AATK: variants seen among roughly 807,000 people sequenced by gnomAD.
AATK encodes the protein serine/threonine-protein kinase LMTK1.
AATK carries 91 observed loss-of-function variants against 114.3 expected under a neutral mutation model. The ratio of observed to expected loss-of-function variants is 0.80; its 90% confidence interval spans 0.67 to 0.95. The LOEUF is 0.95. Among genes scored for constraint, AATK ranks in the 40% least tolerant of loss-of-function variants. The pLI is 0.00. For synonymous variants in AATK, 1,075 were observed against 916.5 expected, an observed-to-expected ratio of 1.17 and a Z score of -3.12; for missense variants, 2,176 against 1,965.2, an observed-to-expected ratio of 1.11 and a Z score of -2.03.
In AATK at chr17:81,126,602, G is replaced by C; in HGVS notation, c.622-42C>G. On this transcript the variant is annotated intron_variant, in intron 6 of 13. Transcript: ENST00000326724. This position sits in a 1 kb window ranked among gnomAD's most constrained non-coding sequence, Gnocchi z 5.1. ...TGGCGCAGTCACCAGCAGGCTGGGGGCTGGCCACCCTGGGAGGTCCCCACC... is the reference window on the plus strand; with the variant it reads ...TGGCGCAGTCACCAGCAGGCTGGGGCCTGGCCACCCTGGGAGGTCCCCACC... 1 of 1,520,162 alleles carries C rather than the reference G, an allele frequency of 6.6e-7. No homozygotes were observed. The highest frequency in any genetic ancestry group is 1.2e-5 in the South Asian group (1 of 82,424). 94.2% of individuals were successfully genotyped at this position (1,520,162 alleles called of 1,614,324 possible).
At chr17:81,149,701 C>T (rs1251736017) in intron 1 of AATK, among the ~76,000 whole-genome samples, 7 of 152,014 alleles carry the variant, frequency 4.6e-5, no homozygotes, top group Non-Finnish European at 8.8e-5. Context: ...GGAGCCTGTG[C>T]CCCCATGAGC....
intron 1 of AATK, among the ~76,000 whole-genome samples, chr17:81,158,771 C>A (rs1343116008): frequency 6.6e-6 from 1 of 152,202 alleles, no homozygotes; most frequent in Non-Finnish European, 1.5e-5. Flanking sequence ...GGGCAGCCCC[C>A]ACATGCTCAC....
intron 6 of AATK, 137 bp downstream of exon 6, chr17:81,127,446 G>T: frequency 1.2e-6 from 1 of 831,730 alleles, no homozygotes; most frequent in Non-Finnish European, 2.0e-6. Flanking sequence ...CTGGAAGGTG[G>T]TGGGGGCAGG....
chr17:81,131,951 C>CA, intron 2 of AATK: 3 of 1,339,468 alleles, frequency 2.2e-6, no homozygotes, highest in Non-Finnish European at 3.0e-6. Flanking sequence ...CTGGTGGCCA[C>CA]ACCACCTCCG....
At chr17:81,130,343 C>A (rs1006077550) in intron 3 of AATK, among the ~76,000 whole-genome samples, 2 of 152,162 alleles carry the variant, frequency 1.3e-5, no homozygotes, top group Non-Finnish European at 2.9e-5. Flanking sequence ...ACCTAGGCTC[C>A]AAGACAGAAC....
intron 1 of AATK, among the ~76,000 whole-genome samples, chr17:81,150,185 G>A (rs1276619054): frequency 6.6e-6 from 1 of 152,140 alleles, no homozygotes; most frequent in East Asian, 1.9e-4. Context: ...TAGAAGCAGT[G>A]GTGGTTTCCA....
intron 1 of AATK, among the ~76,000 whole-genome samples, chr17:81,152,625 G>C (rs771699728): frequency 2.0e-5 from 3 of 152,140 alleles, no homozygotes; most frequent in Non-Finnish European, 2.9e-5. Context: ...TGTCAGAGAA[G>C]AAGAAGAATT....
Position 81,121,758 on chromosome 17 carries a change from C to A in AATK, c.2178G>T (p.Glu726Asp), listed in dbSNP as rs1028859405. ...AGGCTGCCTGGAGCCCAAGCAGAGG[C>A]TCTCCAGGGTACCCCGGCTCGGGGG... ...RASPEPGYPG[E>D]PLLGLQAASA... Residue 726 changes from glutamate to aspartate, a missense_variant, in exon 11 of 14, where the codon GAG becomes GAT. Physicochemically the swap from Glu to Asp is conservative, Grantham distance 45. Coordinates refer to ENST00000326724, the MANE Select transcript of AATK (RefSeq NM_001080395.3). The A allele has an allele frequency of 6.6e-6, 10 of 1,518,482 alleles. No homozygotes were observed. The highest frequency in any genetic ancestry group is 1.4e-5 in the African/African-American group (1 of 72,424). The allele number at this position is 1,518,482 out of a possible 1,614,324, so 94.1% of individuals were successfully genotyped here. A position where few individuals can be genotyped will look rare whatever the true frequency, so the allele number is the denominator to read the frequency against.
intron 4 of AATK, 122 bp downstream of exon 4, chr17:81,128,348 G>A: frequency 8.1e-7 from 1 of 1,239,850 alleles, no homozygotes; most frequent in Admixed American, 2.0e-5. Flanking sequence ...GGGTCCAGCA[G>A]GGCCCAGAGA....
At chr17:81,130,330 A>G (rs189551256) in intron 3 of AATK, among the ~76,000 whole-genome samples, 8 of 152,126 alleles carry the variant, frequency 5.3e-5, no homozygotes, top group African/African-American at 1.9e-4. Context: ...ACCCGCACCC[A>G]CCACCTAGGC....
rs200256250 is a variant in AATK at position 81,131,186 on chromosome 17, C to G, written c.209G>C (p.Gly70Ala). ...IGFKEFENAE[G>A]DEYAADLAQG... ...CGCCAGGTCGGCTGCGTACTCGTCC[C>G]CCTCCGCATTCTCAAACTCCTGCGG... Residue 70 changes from glycine to alanine, a missense_variant, in exon 3 of 14, where the codon GGG (glycine) becomes GCG (alanine). Gly to Ala is a moderately conservative substitution (Grantham distance 60, BLOSUM62 0). Coordinates refer to ENST00000326724, the MANE Select transcript of AATK (RefSeq NM_001080395.3). 1,784 of 1,581,200 alleles carry G rather than the reference C, an allele frequency of 1.1e-3. 5 individuals carry two copies. The highest frequency in any genetic ancestry group is 1.4e-3 in the Non-Finnish European group (1,596 of 1,166,094).
At chr17:81,125,175 T>G (rs777862431) in intron 7 of AATK, 161 bp from the exon 8 acceptor site, 5 of 688,122 alleles carry the variant, frequency 7.3e-6, no homozygotes, top group Non-Finnish European at 1.3e-5. Flanking sequence ...GAAGGGGCGT[T>G]GGAGACACTG....
At position 81,122,290 on chromosome 17, in the gene AATK, CCGGCGCAGT is replaced by C; in HGVS notation, c.1637_1645del (p.Asp546_Ala548del). 6.7e-7 allele frequency: 1 copy of C among 1,502,976 alleles called. No individual in the cohort carries two copies. The highest frequency in any genetic ancestry group is 8.8e-7 in the Non-Finnish European group (1 of 1,132,948). 93.1% of individuals were successfully genotyped at this position (1,502,976 alleles called of 1,614,324 possible). A position where few individuals can be genotyped will look rare whatever the true frequency, so the allele number is the denominator to read the frequency against. On this transcript the variant is annotated inframe_deletion, in exon 11 of 14. Transcript: ENST00000326724. ...GGTGGCAGGTGGACTGGGGGCGCAG[CCGGCGCAGT>C]CAGGGTCGTGGCCGGCGGCGGGTGC...
Position 81,131,101 on chromosome 17 carries a change from C to T in AATK, c.294G>A (p.Thr98=), listed in dbSNP as rs199790442. ...GCTTGGCCATGGGCAAGGAGACCTC[C>T]GTGAGTGGCAGGACGTACACGTCGG... ...NGPDVYVLPL[T]EVSLPMAKQP... Residue 98 remains threonine (T), a synonymous_variant, in exon 3 of 14, where the codon ACG becomes ACA. Coordinates refer to ENST00000326724, the MANE Select transcript of AATK (RefSeq NM_001080395.3). 7.6e-5 allele frequency: 119 copies of T among 1,558,684 alleles called. No homozygotes were observed. In the African/African-American group the frequency reaches 1.3e-3, roughly 16 times the overall value.
intron 1 of AATK, among the ~76,000 whole-genome samples, chr17:81,152,874 G>A (rs546319884): frequency 7.5e-5 from 11 of 145,716 alleles, no homozygotes; most frequent in Non-Finnish European, 1.3e-4. Context: ...ACCAAGTCTC[G>A]CTCTGTCACC....
intron 1 of AATK, among the ~76,000 whole-genome samples, chr17:81,136,920 C>G (rs1286991658): frequency 1.3e-5 from 2 of 152,164 alleles, no homozygotes; most frequent in African/African-American, 4.8e-5. Flanking sequence ...ATCTGAGGGT[C>G]AGAGCGGCTG....
chr17:81,154,250 C>A (rs1223248266), intron 1 of AATK, among the ~76,000 whole-genome samples: 4 of 152,100 alleles, frequency 2.6e-5, no homozygotes, highest in African/African-American at 9.7e-5. Flanking sequence ...TGTGCAACTG[C>A]CCGTCACCTG....
chr17:81,148,460 C>T (rs188306717), intron 1 of AATK, among the ~76,000 whole-genome samples: 1 of 152,378 alleles, frequency 6.6e-6, no homozygotes, highest in Non-Finnish European at 1.5e-5. Flanking sequence ...AGGGACCCTT[C>T]CTGCTCAAGA....
chr17:81,129,884 G>C (rs544342559), intron 3 of AATK, among the ~76,000 whole-genome samples: 2 of 152,186 alleles, frequency 1.3e-5, no homozygotes, highest in Admixed American at 6.5e-5. Flanking sequence ...AGATGTACTC[G>C]AGCTCAAGTG....
Sources: gnomAD v4.1 joint callset for allele counts (sites outside exome capture counted in the v4.1 genomes callset) on GRCh38, gnomAD v4.1.1 for gene constraint, Gnocchi (gnomAD v3.1) non-coding constraint, MANE v1.5 for transcripts, NCBI Gene and HGNC (gene_info 2026-07-23, HGNC 2026-07-21) for gene names.